OTUD7B: variants seen among roughly 807,000 people sequenced by gnomAD.
The protein encoded by OTUD7B is OTU domain-containing protein 7B.
In OTUD7B, 34 loss-of-function variants were observed where a neutral mutation model predicts 82.2. The ratio of observed to expected loss-of-function variants is 0.41; its 90% CI spans 0.31 to 0.55. The LOEUF (loss-of-function observed/expected upper bound fraction) is 0.55. Ranked by LOEUF, OTUD7B falls within the 20% of genes least tolerant of loss-of-function variation. The pLI, the probability that OTUD7B is intolerant of heterozygous loss-of-function variation, is 0.20. For missense variants in OTUD7B, 944 were observed against 1,062.1 expected, an observed-to-expected ratio of 0.89 and a Z score of 1.55; for synonymous variants, 398 against 402.7, an observed-to-expected ratio of 0.99 and a Z score of 0.14.
At chr1:150,004,759 T>C (rs1428115347) in intron 1 of OTUD7B, among the ~76,000 whole-genome samples, 5 of 152,178 alleles carry the variant, frequency 3.3e-5, no homozygotes, top group African/African-American at 1.2e-4. Context: ...GGTATAGTCC[T>C]GTTTCCAGGC....
intron 7 of OTUD7B, among the ~76,000 whole-genome samples, chr1:149,951,001 T>TTTG (rs1388877490): frequency 0.022 from 1,380 of 63,714 alleles, 534 homozygotes; most frequent in African/African-American, 0.072. Context: ...TTTTTTTTTG[T>TTTG]AGATGGAGTC....
At chr1:150,041,026 A>C in the OTUD7B span, among the ~76,000 whole-genome samples, 1 of 151,874 alleles carries the variant, frequency 6.6e-6, no homozygotes, top group Non-Finnish European at 1.5e-5. Context: ...CCTTTTTTTA[A>C]TTAAAAAAAT....
the OTUD7B span, among the ~76,000 whole-genome samples, chr1:150,039,902 G>C: frequency 6.6e-6 from 1 of 151,998 alleles, no homozygotes; most frequent in African/African-American, 2.4e-5. Context: ...GTGCTTCATT[G>C]GTTGTCTTAG....
intron 4 of OTUD7B, among the ~76,000 whole-genome samples, chr1:149,966,379 A>G (rs1315242009): frequency 1.3e-5 from 2 of 152,232 alleles, no homozygotes; most frequent in East Asian, 3.8e-4. Flanking sequence ...TCACAGCAAC[A>G]AAGCTCAGCA....
At chr1:150,033,785 G>A in the OTUD7B span, among the ~76,000 whole-genome samples, 14 of 152,018 alleles carry the variant, frequency 9.2e-5, no homozygotes, top group Non-Finnish European at 1.9e-4. Flanking sequence ...ATAGTGGCGC[G>A]AACTTGGCTC....
At chr1:150,015,453 G>A (rs1015937456), upstream of OTUD7B, among the ~76,000 whole-genome samples, 6 of 151,488 alleles carry the variant, frequency 4.0e-5, no homozygotes, top group South Asian at 4.2e-4. Context: ...GACACCACGC[G>A]TGGCTAATTT....
At chr1:150,037,249 C>CTTTTT in the OTUD7B span, among the ~76,000 whole-genome samples, 469 of 147,036 alleles carry the variant, frequency 3.2e-3, 3 homozygotes, top group Middle Eastern at 0.035. Context: ...AAAATACCCT[C>CTTTTT]TTTTTTTTTT....
At chr1:149,991,945 TG>T in intron 1 of OTUD7B, among the ~76,000 whole-genome samples, 5 of 152,284 alleles carry the variant, frequency 3.3e-5, no homozygotes, top group Admixed American at 3.3e-4. Flanking sequence ...AAGTAAATCA[TG>T]GGGCAGGGCA....
the OTUD7B span, among the ~76,000 whole-genome samples, chr1:150,048,990 A>G: frequency 1.3e-5 from 2 of 150,810 alleles, no homozygotes; most frequent in African/African-American, 2.4e-5. Context: ...CCGCCACCAC[A>G]CTCGGCTAAT....
rs1553776897 is a variant in OTUD7B, at chr1:149,967,503, C to A, written c.293G>T (p.Gly98Val). ...DIVQEKRLSR[G>V]ISHASSSIVS... is the part of the protein sequence containing the mutation. ...AATGCTGGAGCTGGCGTGGGAGATG[C>A]CCCTAGACAGGCGTTTTTCTGCAAT... The change falls in exon 4 of 12, where the codon GGC becomes GTC. Residue 98 changes from glycine to valine, a missense_variant. Physicochemically the swap from Gly to Val is moderately radical, Grantham distance 109 (BLOSUM62 -3). Transcript: ENST00000581312. 1.2e-6 allele frequency: 2 copies of A among 1,602,106 alleles called. No homozygotes were observed. The highest frequency in any genetic ancestry group is 1.7e-5 in the Admixed American group (1 of 57,744).
At chr1:150,030,612 C>T in the OTUD7B span, among the ~76,000 whole-genome samples, 1 of 152,124 alleles carries the variant, frequency 6.6e-6, no homozygotes, top group Non-Finnish European at 1.5e-5. Flanking sequence ...GAACCTGTGT[C>T]TCCTTTAAAC....
chr1:149,985,730 C>T (rs1651087611), intron 1 of OTUD7B, among the ~76,000 whole-genome samples: 1 of 134,536 alleles, frequency 7.4e-6, no homozygotes, highest in East Asian at 2.2e-4. Context: ...CTGAGGGACA[C>T]AGTGAGACCC....
At chr1:149,996,871 G>A (rs1553783558) in intron 1 of OTUD7B, among the ~76,000 whole-genome samples, 1 of 152,142 alleles carries the variant, frequency 6.6e-6, no homozygotes, top group East Asian at 1.9e-4. Flanking sequence ...AAGAAGCCAA[G>A]CATTAGAAGA....
chr1:150,062,550 C>CA, the OTUD7B span, among the ~76,000 whole-genome samples: 1 of 152,246 alleles, frequency 6.6e-6, no homozygotes, highest in South Asian at 2.1e-4. Flanking sequence ...CTCTCTTAAA[C>CA]AAAAGCACAT....
the OTUD7B span, among the ~76,000 whole-genome samples, chr1:150,053,202 T>C: frequency 1.3e-5 from 2 of 151,852 alleles, no homozygotes; most frequent in Admixed American, 1.3e-4. Context: ...AACTTAAGAG[T>C]TTTTGCACAG....
chr1:150,049,633 CTTTTTTTTT>C, the OTUD7B span, among the ~76,000 whole-genome samples: 4 of 132,326 alleles, frequency 3.0e-5, no homozygotes, highest in African/African-American at 1.1e-4. Flanking sequence ...CTCTCTCTTT[CTTTTTTTTT>C]TTTTTTTTTT....
At chr1:149,953,543 T>C (rs1407891495) in intron 7 of OTUD7B, among the ~76,000 whole-genome samples, 2 of 152,184 alleles carry the variant, frequency 1.3e-5, no homozygotes, top group African/African-American at 4.8e-5. Context: ...TCTTTTTTGG[T>C]TCCATATGGA....
chr1:150,041,219 C>G, the OTUD7B span, among the ~76,000 whole-genome samples: 1 of 152,020 alleles, frequency 6.6e-6, no homozygotes, highest in Non-Finnish European at 1.5e-5. Flanking sequence ...TAAATTTCAC[C>G]CGAATTTTAA....
At chr1:149,975,769 C>T (rs1182248817) in intron 2 of OTUD7B, among the ~76,000 whole-genome samples, 1 of 151,948 alleles carries the variant, frequency 6.6e-6, no homozygotes, top group Non-Finnish European at 1.5e-5. Context: ...TGGCTCATGC[C>T]TGCCAGCACT....
Sources: gnomAD v4.1 joint callset for allele counts (sites outside exome capture counted in the v4.1 genomes callset) on GRCh38, gnomAD v4.1.1 for gene constraint, MANE v1.5 for transcripts, NCBI Gene and HGNC (gene_info 2026-07-23, HGNC 2026-07-21) for gene names.